The following UGT1A6 variants were observed in gnomAD, a reference collection of about 807,000 sequenced individuals.
UGT1A6 encodes the protein UDP glucuronosyltransferase family 1 member A6, also known as UDP-glucuronosyltransferase 1A6.
A neutral mutation model predicts 44.4 loss-of-function variants in UGT1A6; 32 were observed. The ratio of observed to expected loss-of-function variants is 0.72; its 90% CI spans 0.54 to 0.97. UGT1A6 has a LOEUF of 0.97. Ranked by LOEUF, UGT1A6 falls within the 50% of genes least tolerant of loss-of-function variation. The pLI is 0.00. For synonymous variants in UGT1A6, 238 were observed against 248.5 expected, an observed-to-expected ratio of 0.96 and a Z score of 0.40; for missense variants, 685 against 661.9, an observed-to-expected ratio of 1.03 and a Z score of -0.38.
At chr2:233,770,330 A>G (rs757778787) in intron 4 of UGT1A6, 1 of 152,126 alleles carries the variant, frequency 6.6e-6, no homozygotes, top group East Asian at 1.9e-4. Flanking sequence ...ACCAGGCCAT[A>G]ATAGGTGCTC....
chr2:233,769,481 G>C lies in UGT1A6; in HGVS notation c.1301+1042G>C. ...TTCATATGCGTGTGTGTGTGTGTGCGTGTGTTTATGAGAGTGTCCATTGCT... is the reference window on the plus strand; with the variant it reads ...TTCATATGCGTGTGTGTGTGTGTGCCTGTGTTTATGAGAGTGTCCATTGCT... On this transcript the variant is annotated intron_variant, in intron 4 of 4. Coordinates refer to ENST00000305139, the MANE Select transcript of UGT1A6 (RefSeq NM_001072.4). This position sits in a 1 kb window ranked among gnomAD's most constrained non-coding sequence, Gnocchi z 4.4. 6.2e-7 allele frequency: 1 copy of C among 1,612,192 alleles called. No homozygotes were observed. The highest frequency in any genetic ancestry group is 1.1e-5 in the South Asian group (1 of 91,012).
intron 1 of UGT1A6, chr2:233,747,771 T>C (rs1693772366): frequency 2.5e-6 from 4 of 1,613,546 alleles, no homozygotes; most frequent in Non-Finnish European, 3.4e-6. Context: ...GGGCACACAG[T>C]GTCCAAATCC....
Position 233,766,627 on chromosome 2 carries a change from T to G in UGT1A6, c.862-407T>G, listed in dbSNP as rs28900401. On this transcript the variant is annotated intron_variant, in intron 1 of 4. Transcript: ENST00000305139. ...CACCCTCTTCTACCCAGCACTTCCC[T>G]TCCCTACTTCCATATCATTTAAAGG... 9.6e-3 allele frequency among the ~76,000 whole-genome samples: 1,465 copies of G among 152,310 alleles called. 33 individuals are homozygous for G. The highest frequency in any genetic ancestry group is 0.033 in the African/African-American group (1,374 of 41,578).
At chr2:233,759,599 A>ACCCCCCCCCC (rs1553620419) in intron 1 of UGT1A6, among the ~76,000 whole-genome samples, 229 of 108,538 alleles carry the variant, frequency 2.1e-3, no homozygotes, top group African/African-American at 3.4e-3. Flanking sequence ...CCCACCCCCG[A>ACCCCCCCCCC]CCCGCCCCAC....
At chr2:233,759,132 G>A (rs532304308) in intron 1 of UGT1A6, among the ~76,000 whole-genome samples, 12 of 152,322 alleles carry the variant, frequency 7.9e-5, no homozygotes, top group Non-Finnish European at 1.8e-4. Context: ...CCTCTGGTAC[G>A]CAATGAAGGT....
At chr2:233,698,008 G>C (rs556681308) in intron 1 of UGT1A6, among the ~76,000 whole-genome samples, 1 of 152,200 alleles carries the variant, frequency 6.6e-6, no homozygotes, top group South Asian at 2.1e-4. Flanking sequence ...TATCATTTCT[G>C]CACATTGGTA....
chr2:233,718,717 C>A (rs1286763118), intron 1 of UGT1A6: 9 of 1,608,524 alleles, frequency 5.6e-6, no homozygotes, highest in Non-Finnish European at 7.6e-6. Flanking sequence ...CAATTACATG[C>A]TGATTTGCTA....
rs28899171 is a variant in UGT1A6, at chr2:233,696,481, G to T, written c.861+2616G>T. On this transcript the variant is annotated intron_variant, in intron 1 of 4. Transcript: ENST00000305139. The stretch of plus-strand genomic sequence containing the variant: ...TTTTTGTAAGTTGATCTTGTATACT[G>T]CAACTTTACCGAATTTGCTTGTCAG... Among the ~76,000 whole-genome samples, 634 of 152,208 alleles carry T rather than the reference G, an allele frequency of 4.2e-3. 4 individuals carry two copies. Among genetic ancestry groups the T allele is most frequent in the African/African-American group, 0.015 (607 of 41,508 alleles).
At chr2:233,754,750 A>G in intron 1 of UGT1A6, 1 of 810,338 alleles carries the variant, frequency 1.2e-6, no homozygotes, top group Non-Finnish European at 1.9e-6. Context: ...ATGCAGAAGG[A>G]AGAAAGGCCC....
At chr2:233,760,461 T>A in intron 1 of UGT1A6, 1 of 1,614,224 alleles carries the variant, frequency 6.2e-7, no homozygotes, top group Non-Finnish European at 8.5e-7. Context: ...ATGAAATAGT[T>A]GTCCTAGCAC....
chr2:233,755,178 T>A, intron 1 of UGT1A6: 1 of 1,236,812 alleles, frequency 8.1e-7, no homozygotes, highest in Non-Finnish European at 1.1e-6. Flanking sequence ...TTTGTCGGGG[T>A]GCCACTTGAG....
Position 233,769,484 on chromosome 2 carries a change from T to C in UGT1A6, c.1301+1045T>C, listed in dbSNP as rs774504306. 6.2e-6 allele frequency: 10 copies of C among 1,612,518 alleles called. No homozygotes were observed. The South Asian group carries it at 9.9e-5, about 16-fold the overall frequency. Reference sequence around the variant, plus strand: ...ATATGCGTGTGTGTGTGTGTGCGTGTGTTTATGAGAGTGTCCATTGCTTTC... The same window carrying C: ...ATATGCGTGTGTGTGTGTGTGCGTGCGTTTATGAGAGTGTCCATTGCTTTC... On this transcript the variant is annotated intron_variant, in intron 4 of 4. Coordinates refer to ENST00000305139, the MANE Select transcript of UGT1A6 (RefSeq NM_001072.4). This position sits in a 1 kb window ranked among gnomAD's most constrained non-coding sequence, Gnocchi z 4.4.
In UGT1A6 at chr2:233,723,213, CTT is replaced by C. The variant is rs201420005; in HGVS notation, c.861+29363_861+29364del. On this transcript the variant is annotated intron_variant, in intron 1 of 4. Coordinates refer to ENST00000305139, the MANE Select transcript of UGT1A6 (RefSeq NM_001072.4). ...ATGTGGTAAAAAAAGTCAAAACTGA[CTT>C]TTTTTTTTTTTTTTGAGTTGGAGTC... Among the ~76,000 whole-genome samples, 40 of 88,776 alleles carry C rather than the reference CTT, an allele frequency of 4.5e-4. 2 individuals are homozygous for C. Among genetic ancestry groups the C allele is most frequent in the East Asian group, 2.4e-3 (8 of 3,302 alleles). 58.2% of individuals were successfully genotyped at this position (88,776 alleles called of 152,430 possible). A position where few individuals can be genotyped will look rare whatever the true frequency, so the allele number is the denominator to read the frequency against.
intron 4 of UGT1A6, 35 bp downstream of exon 4, chr2:233,768,474 T>C (rs1361024311): frequency 6.3e-7 from 1 of 1,597,622 alleles, no homozygotes; most frequent in Non-Finnish European, 8.5e-7. Flanking sequence ...ACTTTGGTCA[T>C]GGCATTCATG....
chr2:233,711,299 T>C (rs2076172959), intron 1 of UGT1A6, among the ~76,000 whole-genome samples: 1 of 152,116 alleles, frequency 6.6e-6, no homozygotes, highest in South Asian at 2.1e-4. Context: ...GAGTAGAAAT[T>C]AGATGACATT....
At position 233,768,097 on chromosome 2, in the gene UGT1A6, T is replaced by C. The variant is rs1699562988; in HGVS notation, c.1082-123T>C. On this transcript the variant is annotated intron_variant, in intron 3 of 4. Transcript: ENST00000305139. ...GGGTATCTCAACCCACATTTTCTTC[T>C]GCAAATTTCTGCAAGGGCATGTGAG... The C allele has an allele frequency of 4.4e-6, 7 of 1,590,772 alleles. No homozygotes were observed. The Admixed American group carries it at 1.2e-4, about 28-fold the overall frequency.
chr2:233,702,050 A>G (rs1303432202), intron 1 of UGT1A6, among the ~76,000 whole-genome samples: 1 of 152,210 alleles, frequency 6.6e-6, no homozygotes, highest in Admixed American at 6.5e-5. Context: ...AAAATTAACA[A>G]TTCACTAATT....
intron 1 of UGT1A6, among the ~76,000 whole-genome samples, chr2:233,702,723 C>T (rs2075703214): frequency 6.6e-6 from 1 of 152,078 alleles, no homozygotes; most frequent in Admixed American, 6.5e-5. Flanking sequence ...TTGAAATGAA[C>T]ATGGTTTTCT....
rs202172337 is a variant in UGT1A6 at position 233,772,279 on chromosome 2, T to C, written c.1319T>C (p.Met440Thr). The change falls in exon 5 of 5, where the codon ATG becomes ACG. Residue 440 changes from methionine to threonine, a missense_variant. Met to Thr is a moderately conservative substitution (Grantham distance 81). Transcript: ENST00000305139. ...GTGTTTAGTTACAAGGAGAACATCA[T>C]GCGCCTCTCCAGCCTTCACAAGGAC... is the stretch of plus-strand genomic sequence containing the variant. ...INDKSYKENI[M>T]RLSSLHKDRP... is the part of the protein sequence containing the mutation. 1.3e-4 allele frequency: 204 copies of C among 1,614,264 alleles called. No individual in the cohort carries two copies. Among genetic ancestry groups the C allele is most frequent in the East Asian group, 4.2e-4 (19 of 44,890 alleles).
Sources: allele counts gnomAD v4.1 joint callset (sites outside exome capture counted in the v4.1 genomes callset), GRCh38; gene constraint gnomAD v4.1.1; non-coding constraint Gnocchi (gnomAD v3.1); transcripts MANE v1.5; gene names NCBI Gene and HGNC (gene_info 2026-07-23, HGNC 2026-07-21).